The following USP6NL variants were observed in gnomAD, a reference collection of about 807,000 sequenced individuals.
The protein encoded by USP6NL is USP6 N-terminal like.
In USP6NL, 26 loss-of-function variants were observed where a neutral mutation model predicts 61.9. That is an observed-to-expected ratio of 0.42 (90% confidence interval 0.31 to 0.58). The LOEUF (loss-of-function observed/expected upper bound fraction) is 0.58, where lower values mean the gene tolerates loss of function less well. Among genes scored for constraint, USP6NL ranks in the 20% least tolerant of loss-of-function variants. The probability of loss-of-function intolerance (pLI) is 0.16; values close to 1 mark genes in which losing one functional copy is unlikely to be tolerated. For missense variants in USP6NL, 1,114 were observed against 1,034.3 expected (o/e 1.08, Z -1.06); for synonymous variants, 432 against 390.1 (o/e 1.11, Z -1.27).
In USP6NL at chr10:11,485,133, T is replaced by C; in HGVS notation, c.825+36A>G. 1 of 1,537,616 alleles carries C rather than the reference T, an allele frequency of 6.5e-7. No individual in the cohort carries two copies. Among genetic ancestry groups the C allele is most frequent in the Non-Finnish European group, 8.8e-7 (1 of 1,142,610 alleles). On this transcript the variant is annotated intron_variant, in intron 12 of 14. Coordinates refer to ENST00000609104, the MANE Select transcript of USP6NL (RefSeq NM_014688.5). This position sits in a 1 kb window ranked among gnomAD's most constrained non-coding sequence, Gnocchi z 4.8. ...ACAGCTTCCCCTCACCTTGTATTTA[T>C]AATTTTATGACTGAGTTTTGTAAAT...
chr10:11,505,741 A>G (rs925416339), intron 6 of USP6NL, among the ~76,000 whole-genome samples: 12 of 152,238 alleles, frequency 7.9e-5, no homozygotes, highest in African/African-American at 2.9e-4. Context: ...CTTGGTGATT[A>G]AAACAGTGAC....
chr10:11,535,418 C>T (rs534561619), intron 2 of USP6NL, among the ~76,000 whole-genome samples: 2 of 152,086 alleles, frequency 1.3e-5, no homozygotes, highest in Non-Finnish European at 2.9e-5. Context: ...GAGTTAAAGA[C>T]GAAGCACCAT....
At chr10:11,552,366 C>A (rs1260734051) in intron 2 of USP6NL, among the ~76,000 whole-genome samples, 1 of 152,182 alleles carries the variant, frequency 6.6e-6, no homozygotes, top group Non-Finnish European at 1.5e-5. Context: ...CAGATACTAC[C>A]CTAAGTCCTA....
At chr10:11,475,204 T>C (rs1457244783) in intron 14 of USP6NL, among the ~76,000 whole-genome samples, 2 of 151,834 alleles carry the variant, frequency 1.3e-5, no homozygotes, top group East Asian at 3.9e-4. Flanking sequence ...CTCTGCCTTT[T>C]CAGTACTAAC....
At chr10:11,563,315 T>G (rs1191027597) in intron 2 of USP6NL, 1 of 152,204 alleles carries the variant, frequency 6.6e-6, no homozygotes, top group East Asian at 1.9e-4. Context: ...GGCATAGCGT[T>G]AAGGAAACCT....
intron 14 of USP6NL, among the ~76,000 whole-genome samples, chr10:11,466,033 A>G (rs1271060191): frequency 2.6e-5 from 4 of 152,206 alleles, no homozygotes; most frequent in African/African-American, 7.2e-5. Flanking sequence ...TGGAAGGTAG[A>G]CACAGGCAGT....
At chr10:11,531,848 A>G (rs1275552215) in intron 2 of USP6NL, among the ~76,000 whole-genome samples, 4 of 152,226 alleles carry the variant, frequency 2.6e-5, no homozygotes, top group Non-Finnish European at 4.4e-5. Flanking sequence ...AAAATATCTC[A>G]GCACAATTTA....
chr10:11,530,101 CAAAAA>C (rs900768943), intron 2 of USP6NL, among the ~76,000 whole-genome samples: 2 of 72,010 alleles, frequency 2.8e-5, no homozygotes, highest in Admixed American at 1.6e-4. Flanking sequence ...GACCCTGTCT[CAAAAA>C]AAAAAAAAAA....
chr10:11,477,629 A>G (rs189610764), intron 14 of USP6NL, among the ~76,000 whole-genome samples: 4 of 152,360 alleles, frequency 2.6e-5, no homozygotes, highest in Admixed American at 2.6e-4. Context: ...TAACCTGACA[A>G]CACACAGACG....
intron 2 of USP6NL, among the ~76,000 whole-genome samples, chr10:11,541,188 T>C (rs1836036378): frequency 7.0e-6 from 1 of 143,202 alleles, no homozygotes; most frequent in South Asian, 2.2e-4. Flanking sequence ...ATAACTTATA[T>C]AATAAGTAAG....
At position 11,463,123 on chromosome 10, in the gene USP6NL, T is replaced by C. The variant is rs146807948; in HGVS notation, c.1805A>G (p.Lys602Arg). Reference sequence around the variant, plus strand: ...TGGAGGCTGTACTTTAAAAGTAAACTTGTTGGATACTTTTGATGGACTAGA... The same window carrying C: ...TGGAGGCTGTACTTTAAAAGTAAACCTGTTGGATACTTTTGATGGACTAGA... ...PSSSPSKVSN[K>R]FTFKVQPPSH... The change falls in exon 15 of 15, where the codon AAG becomes AGG. Residue 602 changes from lysine to arginine, a missense_variant. Lys to Arg is a conservative substitution (Grantham distance 26). Transcript: ENST00000609104. The surrounding 1 kb of genome is among the most constrained non-coding windows in gnomAD (Gnocchi z 6.3). The C allele has an allele frequency of 3.1e-6, 5 of 1,613,956 alleles. No individual in the cohort carries two copies. In the East Asian group the frequency reaches 1.1e-4, roughly 36 times the overall value.
intron 1 of USP6NL, among the ~76,000 whole-genome samples, chr10:11,608,052 T>C (rs1204232449): frequency 1.3e-5 from 2 of 152,196 alleles, no homozygotes; most frequent in Admixed American, 1.3e-4. Context: ...TACTGAAGAT[T>C]TGTATTTTAG....
chr10:11,541,874 A>C (rs1836079948), intron 2 of USP6NL, among the ~76,000 whole-genome samples: 1 of 152,226 alleles, frequency 6.6e-6, no homozygotes, highest in Non-Finnish European at 1.5e-5. Flanking sequence ...TGACACTATA[A>C]GTTAGAAAAA....
intron 2 of USP6NL, among the ~76,000 whole-genome samples, chr10:11,538,750 T>A (rs926840989): frequency 6.6e-6 from 1 of 152,190 alleles, no homozygotes; most frequent in African/African-American, 2.4e-5. Context: ...AGACTAAAAT[T>A]CAGACATGAG....
At chr10:11,594,884 T>C (rs573542038) in intron 2 of USP6NL, among the ~76,000 whole-genome samples, 1 of 152,282 alleles carries the variant, frequency 6.6e-6, no homozygotes, top group African/African-American at 2.4e-5. Context: ...AGCACACAGA[T>C]TAGAGAAACA....
chr10:11,552,088 C>T (rs563738569), intron 2 of USP6NL, among the ~76,000 whole-genome samples: 7 of 152,296 alleles, frequency 4.6e-5, no homozygotes, highest in Non-Finnish European at 1.0e-4. Flanking sequence ...CTACACTATA[C>T]TTCCTGCCAA....
chr10:11,533,024 T>C lies in USP6NL; in HGVS notation c.5-5457A>G, dbSNP rs77004089. Among the ~76,000 whole-genome samples, 3 of 152,350 alleles carry C rather than the reference T, an allele frequency of 2.0e-5. No homozygotes were observed. In the East Asian group the frequency reaches 5.8e-4, roughly 29 times the overall value. ...GTAAAATCTACAATTTGCAACCATT[T>C]TGCAAAAGTAACATCCCTGTTAGAG... On this transcript the variant is annotated intron_variant, in intron 2 of 14. Coordinates refer to ENST00000609104, the MANE Select transcript of USP6NL (RefSeq NM_014688.5).
At chr10:11,506,783 C>T (rs1246242231) in intron 6 of USP6NL, among the ~76,000 whole-genome samples, 1 of 149,972 alleles carries the variant, frequency 6.7e-6, no homozygotes, top group Non-Finnish European at 1.5e-5. Flanking sequence ...TCCAAATATT[C>T]CCTACCAGGG....
In USP6NL at chr10:11,509,648, T is replaced by C. The variant is rs776125881; in HGVS notation, c.223A>G (p.Thr75Ala). The C allele has an allele frequency of 1.3e-6, 2 of 1,568,538 alleles. No homozygotes were observed. Among genetic ancestry groups the C allele is most frequent in the Non-Finnish European group, 1.7e-6 (2 of 1,155,388 alleles). The change falls in exon 6 of 15, where the codon ACC becomes GCC. Residue 75 changes from threonine (T) to alanine (A), a missense_variant. Transcript: ENST00000609104. ...RQKHLEIERT[T>A]KWLKMLKGWE... ...CCTTTCAGCATTTTCAGCCATTTGG[T>C]AGTTCTTTCAATTTCCAGGTGCTTT...
Sources: allele counts gnomAD v4.1 joint callset (sites outside exome capture counted in the v4.1 genomes callset), GRCh38; gene constraint gnomAD v4.1.1; non-coding constraint Gnocchi (gnomAD v3.1); transcripts MANE v1.5; gene names NCBI Gene and HGNC (gene_info 2026-07-23, HGNC 2026-07-21).